Variants in CPA6 observed in about 807,000 individuals in gnomAD.
CPA6 encodes carboxypeptidase A6.
A neutral mutation model predicts 63.3 loss-of-function variants in CPA6; 58 were observed. That is an observed-to-expected ratio of 0.92 (90% confidence interval 0.74 to 1.14). The LOEUF (loss-of-function observed/expected upper bound fraction) is 1.14. Ranked by LOEUF, CPA6 falls within the 50% of genes most tolerant of loss-of-function variation. CPA6 has a pLI of 0.00. For missense variants in CPA6, 565 were observed against 526.6 expected, an observed-to-expected ratio of 1.07 and a Z score of -0.71; for synonymous variants, 185 against 179.0, an observed-to-expected ratio of 1.03 and a Z score of -0.27.
In CPA6 at chr8:67,667,801, G is replaced by C. The variant is rs75636867; in HGVS notation, c.117-43550C>G. Among the ~76,000 whole-genome samples, 430 of 152,262 alleles carry C rather than the reference G, an allele frequency of 2.8e-3. 5 individuals carry two copies. Among genetic ancestry groups the C allele is most frequent in the African/African-American group, 0.01 (418 of 41,546 alleles). ...AGAATAGGAGATTACTGTGTGCCCC[G>C]CCCCAGTGGCTGCCAAGACTGGGCT... On this transcript the variant is annotated intron_variant, in intron 1 of 10. Transcript: ENST00000297770.
At chr8:67,694,915 G>A (rs955495691) in intron 1 of CPA6, among the ~76,000 whole-genome samples, 1 of 152,104 alleles carries the variant, frequency 6.6e-6, no homozygotes, top group South Asian at 2.1e-4. Flanking sequence ...TTGATGAGCT[G>A]TACCCAGTGG....
At chr8:67,424,052 C>A (rs559662166) in intron 10 of CPA6, among the ~76,000 whole-genome samples, 14 of 152,286 alleles carry the variant, frequency 9.2e-5, no homozygotes, top group African/African-American at 2.9e-4. Context: ...TGAACCCTAT[C>A]ATGGACAGCA....
intron 8 of CPA6, among the ~76,000 whole-genome samples, chr8:67,455,522 G>A (rs903387452): frequency 6.6e-6 from 1 of 151,640 alleles, no homozygotes; most frequent in Non-Finnish European, 1.5e-5. Flanking sequence ...ATTGACCACA[G>A]GACTATGCTT....
At chr8:67,485,498 A>C (rs569425635) in intron 6 of CPA6, among the ~76,000 whole-genome samples, 2 of 152,266 alleles carry the variant, frequency 1.3e-5, no homozygotes, top group Admixed American at 1.3e-4. Context: ...AGATATGTTA[A>C]TTTGTGATCT....
At chr8:67,506,974 T>C (rs1484356117) in intron 5 of CPA6, 86 bp from the exon 6 acceptor site, 4 of 968,388 alleles carry the variant, frequency 4.1e-6, no homozygotes, top group Non-Finnish European at 6.7e-6. Flanking sequence ...GCATAATTCT[T>C]CACTGTAGTG....
chr8:67,676,787 T>A (rs1441650518), intron 1 of CPA6, among the ~76,000 whole-genome samples: 2 of 152,234 alleles, frequency 1.3e-5, no homozygotes, highest in African/African-American at 4.8e-5. Context: ...TTTATAAAAG[T>A]GCACTGCTGT....
At chr8:67,475,604 G>A (rs1811154490) in intron 8 of CPA6, among the ~76,000 whole-genome samples, 1 of 152,208 alleles carries the variant, frequency 6.6e-6, no homozygotes, top group Non-Finnish European at 1.5e-5. Flanking sequence ...ATGTGGTGGA[G>A]GCAGGGGATC....
chr8:67,525,031 C>T (rs1812334120), intron 2 of CPA6, among the ~76,000 whole-genome samples: 1 of 152,200 alleles, frequency 6.6e-6, no homozygotes, highest in Non-Finnish European at 1.5e-5. Flanking sequence ...GAAATGCTTA[C>T]TTTTCACTGT....
chr8:67,666,212 C>A (rs1296704314), intron 1 of CPA6, among the ~76,000 whole-genome samples: 2 of 152,202 alleles, frequency 1.3e-5, no homozygotes. Flanking sequence ...CTTGGTGCTA[C>A]TTCCACACCT....
At chr8:67,612,153 A>G (rs1374855788) in intron 2 of CPA6, among the ~76,000 whole-genome samples, 1 of 152,212 alleles carries the variant, frequency 6.6e-6, no homozygotes, top group Non-Finnish European at 1.5e-5. Context: ...GGCCCTGGAT[A>G]TGGTGGCTGA....
intron 2 of CPA6, chr8:67,569,623 C>A: frequency 2.3e-6 from 1 of 427,108 alleles, no homozygotes; most frequent in Non-Finnish European, 4.8e-6. Context: ...TAATGCAAAA[C>A]AGAATTGGAG....
At chr8:67,649,169 A>G (rs1815780957) in intron 1 of CPA6, among the ~76,000 whole-genome samples, 1 of 151,862 alleles carries the variant, frequency 6.6e-6, no homozygotes, top group Non-Finnish European at 1.5e-5. Flanking sequence ...AAATTCCTAC[A>G]TTTTCTCTGC....
At chr8:67,449,514 T>C (rs1810507985) in intron 8 of CPA6, among the ~76,000 whole-genome samples, 1 of 152,204 alleles carries the variant, frequency 6.6e-6, no homozygotes, top group East Asian at 1.9e-4. Context: ...AAAAAAACCT[T>C]CATTGAGATT....
chr8:67,439,691 A>G (rs1487943129), intron 8 of CPA6, among the ~76,000 whole-genome samples: 2 of 152,230 alleles, frequency 1.3e-5, no homozygotes, highest in Non-Finnish European at 2.9e-5. Context: ...TCTTAAAGTA[A>G]CAGTGATCAT....
intron 2 of CPA6, among the ~76,000 whole-genome samples, chr8:67,592,757 G>A (rs867022586): frequency 7.6e-4 from 116 of 152,054 alleles, no homozygotes; most frequent in African/African-American, 2.4e-3. Context: ...TTTTTATTGC[G>A]TCTATTTGAT....
chr8:67,439,850 T>C (rs755362564), intron 8 of CPA6, among the ~76,000 whole-genome samples: 3 of 152,148 alleles, frequency 2.0e-5, no homozygotes, highest in Non-Finnish European at 2.9e-5. Flanking sequence ...GGTGTTGAAT[T>C]CCTGAGCTCA....
intron 1 of CPA6, among the ~76,000 whole-genome samples, chr8:67,668,743 T>A (rs1220836693): frequency 6.6e-6 from 1 of 152,174 alleles, no homozygotes; most frequent in East Asian, 1.9e-4. Flanking sequence ...CATTATACTA[T>A]GTATTAGGTA....
At chr8:67,719,180 C>T (rs1419788025) in intron 1 of CPA6, among the ~76,000 whole-genome samples, 1 of 152,090 alleles carries the variant, frequency 6.6e-6, no homozygotes, top group Non-Finnish European at 1.5e-5. Flanking sequence ...AAGACATGGA[C>T]TTTATACTTA....
At chr8:67,435,623 C>A (rs1304163949) in intron 8 of CPA6, among the ~76,000 whole-genome samples, 4 of 142,348 alleles carry the variant, frequency 2.8e-5, no homozygotes, top group Non-Finnish European at 6.1e-5. Context: ...AGTGTGTGTG[C>A]GTGCATGTGT....
Sources: allele counts gnomAD v4.1 joint callset (sites outside exome capture counted in the v4.1 genomes callset), GRCh38; gene constraint gnomAD v4.1.1; transcripts MANE v1.5; gene names NCBI Gene and HGNC (gene_info 2026-07-23, HGNC 2026-07-21).